Variants in ERCC6 observed in about 807,000 individuals in gnomAD.
ERCC6 encodes DNA excision repair protein ERCC-6.
ERCC6 carries 116 observed loss-of-function variants against 158.7 expected under a neutral mutation model. The observed-to-expected ratio is 0.73, with a 90% confidence interval of 0.63 to 0.85. ERCC6 has a LOEUF of 0.85. ERCC6 is among the 40% of genes least tolerant of loss of function. ERCC6 has a pLI of 0.00. For missense variants in ERCC6, 1,698 were observed against 1,799.4 expected (o/e 0.94, Z 1.02); for synonymous variants, 678 against 659.3 (o/e 1.03, Z -0.43).
chr10:49,482,992 C>A, intron 9 of ERCC6, 129 bp from the exon 10 acceptor site: 1 of 935,402 alleles, frequency 1.1e-6, no homozygotes, highest in Non-Finnish European at 1.7e-6. Flanking sequence ...TGGTACTCTC[C>A]AAAACATACA....
the ERCC6 span, among the ~76,000 whole-genome samples, chr10:49,435,187 A>G: frequency 6.6e-6 from 1 of 152,344 alleles, no homozygotes; most frequent in African/African-American, 2.4e-5. Context: ...GTATGTTTCT[A>G]ACAATATAGT....
At chr10:49,508,866 A>G (rs563726963) in intron 5 of ERCC6, among the ~76,000 whole-genome samples, 2 of 152,136 alleles carry the variant, frequency 1.3e-5, no homozygotes, top group Non-Finnish European at 2.9e-5. Flanking sequence ...GCACATACAC[A>G]GAAACGTGCC....
rs766909595 is a variant in ERCC6, at chr10:49,515,968, C to A, written c.1397+8065G>T. 4 of 1,614,134 alleles carry A rather than the reference C, an allele frequency of 2.5e-6. No individual in the cohort carries two copies. In the Admixed American group the frequency reaches 5.0e-5, roughly 20 times the overall value. The stretch of plus-strand genomic sequence containing the variant: ...AAAGCTACATCTGATTCCAGTGGAA[C>A]TCTGTCAATGTGATCCTTTCTCACT... On this transcript the variant is annotated intron_variant, in intron 5 of 20. Coordinates refer to ENST00000355832, the MANE Select transcript of ERCC6 (RefSeq NM_000124.4).
chr10:49,465,312 A>G (rs985745537), intron 18 of ERCC6, among the ~76,000 whole-genome samples: 1 of 152,212 alleles, frequency 6.6e-6, no homozygotes, highest in Non-Finnish European at 1.5e-5. Context: ...GAATGGCTGT[A>G]CTTACCCAAT....
the ERCC6 span, among the ~76,000 whole-genome samples, chr10:49,438,065 G>A: frequency 1.3e-5 from 2 of 152,190 alleles, no homozygotes; most frequent in African/African-American, 4.8e-5. Context: ...TTCTAAAAAC[G>A]TATTCTTGAA....
At position 49,516,645 on chromosome 10, in the gene ERCC6, A is replaced by C. The variant is rs187185661; in HGVS notation, c.1397+7388T>G. ...ATATAAGTTGGAGTACTTGACAATG[A>C]GTTCAATGACCTCGTCATCAAGAAA... On this transcript the variant is annotated intron_variant, in intron 5 of 20. Transcript: ENST00000355832. 13 of 1,614,234 alleles carry C rather than the reference A, an allele frequency of 8.1e-6. No individual in the cohort carries two copies. The African/African-American group carries it at 1.6e-4, about 20-fold the overall frequency.
chr10:49,503,160 A>T (rs996233696), intron 6 of ERCC6: 2 of 152,126 alleles, frequency 1.3e-5, no homozygotes, highest in African/African-American at 4.8e-5. Context: ...CATCAACTTA[A>T]CTAAAGTAGG....
chr10:49,516,703 C>T lies in ERCC6; in HGVS notation c.1397+7330G>A, dbSNP rs147242124. On this transcript the variant is annotated intron_variant, in intron 5 of 20. Transcript: ENST00000355832. ...AGAATTTCTGTGGGAGTTCTCATTA[C>T]GGTGAAGAAATCGTTTGGTGGTGCT... The T allele has an allele frequency of 1.6e-4, 264 of 1,614,018 alleles. No homozygotes were observed. The highest frequency in any genetic ancestry group is 2.1e-4 in the Non-Finnish European group (250 of 1,180,012).
In ERCC6 at chr10:49,473,378, G is replaced by A. The variant is rs1156670871; in HGVS notation, c.2709+99C>T. ...CTTAGGCCCCCTCCCAAGCCCAGAT[G>A]TCAATGCTGCTTTGGTGGGTAAGGG... On this transcript the variant is annotated intron_variant, in intron 14 of 20. Coordinates refer to ENST00000355832, the MANE Select transcript of ERCC6 (RefSeq NM_000124.4). 4.5e-6 allele frequency: 4 copies of A among 881,532 alleles called. No homozygotes were observed. The East Asian group carries it at 9.6e-5, about 21-fold the overall frequency. The allele number at this position is 881,532 out of a possible 1,614,324, so 54.6% of individuals were successfully genotyped here. A position where few individuals can be genotyped will look rare whatever the true frequency, so the allele number is the denominator to read the frequency against.
At position 49,500,644 on chromosome 10, in the gene ERCC6, C is replaced by T; in HGVS notation, c.1579G>A (p.Gly527Arg). ...WLWELHCQQA[G>R]GILGDEMGLG... is the part of the protein sequence containing the mutation. ...CCCATTTCATCTCCCAGAATTCCTC[C>T]TGCCTGCTGGCAGTGCAATTCCCAC... Residue 527 changes from glycine (G) to arginine (R), a missense_variant, in exon 7 of 21, where the codon GGA becomes AGA. By Grantham distance (125) the Gly-to-Arg change is moderately radical (BLOSUM62 -2). Transcript: ENST00000355832. The T allele has an allele frequency of 6.2e-7, 1 of 1,614,016 alleles. No homozygotes were observed. The highest frequency in any genetic ancestry group is 8.5e-7 in the Non-Finnish European group (1 of 1,179,910).
rs773819856 is a variant in ERCC6 at position 49,459,116 on chromosome 10, CT to C, written c.4180del (p.Arg1394GlufsTer6). 6.2e-7 allele frequency: 1 copy of C among 1,614,194 alleles called. No individual in the cohort carries two copies. Among genetic ancestry groups the C allele is most frequent in the South Asian group, 1.1e-5 (1 of 91,086 alleles). On this transcript the variant is annotated frameshift_variant, in exon 21 of 21. Transcript: ENST00000355832. LOFTEE classifies it high-confidence loss of function. ...TGGCAGAATCAGGTGGTTTCTAGCT[CT>C]CATTTTAGCCAAGAGTGAGGAGGAA... ...LASSSLLAKM[R>X]ARNHLILPER...
At chr10:49,526,913 G>A (rs1006471089) in intron 4 of ERCC6, among the ~76,000 whole-genome samples, 1 of 152,184 alleles carries the variant, frequency 6.6e-6, no homozygotes, top group Non-Finnish European at 1.5e-5. Context: ...GGCTGCAAAA[G>A]CCATGGGGAA....
At chr10:49,462,699 T>G (rs1200817462) in intron 18 of ERCC6, among the ~76,000 whole-genome samples, 1 of 152,056 alleles carries the variant, frequency 6.6e-6, no homozygotes, top group Non-Finnish European at 1.5e-5. Flanking sequence ...AAAGAAAAAT[T>G]TTTTAAATAT....
chr10:49,470,520 A>G lies in ERCC6; in HGVS notation c.3440T>C (p.Ile1147Thr), dbSNP rs1271883467. Residue 1147 changes from isoleucine (I) to threonine (T), a missense_variant, in exon 18 of 21, where the codon ATT becomes ACT. Coordinates refer to ENST00000355832, the MANE Select transcript of ERCC6 (RefSeq NM_000124.4). Reference protein sequence around the residue: ...KTSMPSGDESIDEKLGLSYKR... With the variant: ...KTSMPSGDESTDEKLGLSYKR... ...GTAAGAAAGACCTAACTTTTCATCA[A>G]TGCTTTCATCACCAGATGGCATAGA... 6.2e-7 allele frequency: 1 copy of G among 1,614,142 alleles called. No homozygotes were observed. The highest frequency in any genetic ancestry group is 2.2e-5 in the East Asian group (1 of 44,886).
Position 49,461,378 on chromosome 10 carries a change from C to A in ERCC6, c.3957G>T (p.Gly1319=). Residue 1319 remains glycine (G), a synonymous_variant, in exon 19 of 21, where the codon GGG becomes GGT. Coordinates refer to ENST00000355832, the MANE Select transcript of ERCC6 (RefSeq NM_000124.4). ...TTTTTCCTGCTGGTGCACCAGAAAT[C>A]CCCCTGTGGCCAGTCCAGGTGGGAA... is the stretch of plus-strand genomic sequence containing the variant. The part of the protein sequence containing the change: ...SGVPTWTGHR[G]ISGAPAGKKS... 1 of 1,613,662 alleles carries A rather than the reference C, an allele frequency of 6.2e-7. No individual in the cohort carries two copies. The highest frequency in any genetic ancestry group is 8.5e-7 in the Non-Finnish European group (1 of 1,180,024).
At chr10:49,461,279 C>A (rs957130849) in intron 19 of ERCC6, 73 bp downstream of exon 19, 2 of 1,462,396 alleles carry the variant, frequency 1.4e-6, no homozygotes, top group South Asian at 2.3e-5. Flanking sequence ...TAAGCCTCCA[C>A]ACCTGCCCTG....
At chr10:49,441,291 A>G in the ERCC6 span, among the ~76,000 whole-genome samples, 1 of 152,218 alleles carries the variant, frequency 6.6e-6, no homozygotes, top group Admixed American at 6.5e-5. Context: ...TTCTGTAAAA[A>G]TCAGGATTTT....
intron 18 of ERCC6, among the ~76,000 whole-genome samples, chr10:49,468,163 T>C (rs1176710100): frequency 6.6e-6 from 1 of 152,200 alleles, no homozygotes; most frequent in Non-Finnish European, 1.5e-5. Flanking sequence ...CCTTAAGTAG[T>C]TTTCTTGCAC....
At chr10:49,463,311 G>C (rs959991956) in intron 18 of ERCC6, among the ~76,000 whole-genome samples, 6 of 152,168 alleles carry the variant, frequency 3.9e-5, no homozygotes, top group Non-Finnish European at 5.9e-5. Flanking sequence ...ATGAAGTCAG[G>C]TGTGGAATTT....
Sources: allele counts gnomAD v4.1 joint callset (sites outside exome capture counted in the v4.1 genomes callset), GRCh38; gene constraint gnomAD v4.1.1; transcripts MANE v1.5; gene names NCBI Gene and HGNC (gene_info 2026-07-23, HGNC 2026-07-21).